PRKN: variants seen among roughly 807,000 people sequenced by gnomAD.
PRKN encodes the protein parkin RBR E3 ubiquitin protein ligase.
PRKN carries 56 observed loss-of-function variants against 59.5 expected under a neutral mutation model. The observed-to-expected ratio is 0.94, with a 90% CI of 0.76 to 1.18. The LOEUF is 1.18. Among genes scored for constraint, PRKN ranks in the 50% most tolerant of loss-of-function variants. The pLI is 0.00. For synonymous variants in PRKN, 250 were observed against 222.1 expected (o/e 1.13, Z -1.12); for missense variants, 657 against 596.4 (o/e 1.10, Z -1.06).
chr6:161,864,934 G>A (rs1245006383), intron 6 of PRKN, among the ~76,000 whole-genome samples: 3 of 152,258 alleles, frequency 2.0e-5, no homozygotes, highest in East Asian at 1.9e-4. Flanking sequence ...GATTACAGGC[G>A]TGAACCATCG....
At chr6:162,669,655 C>T (rs1057455592) in intron 1 of PRKN, among the ~76,000 whole-genome samples, 3 of 152,072 alleles carry the variant, frequency 2.0e-5, no homozygotes, top group African/African-American at 7.2e-5. Context: ...GAACATGAAT[C>T]ATCCTAGACT....
chr6:162,376,777 GA>G (rs1786116580), intron 2 of PRKN, among the ~76,000 whole-genome samples: 1 of 97,786 alleles, frequency 1.0e-5, no homozygotes, highest in Non-Finnish European at 2.1e-5. Context: ...AAGGGAGGGG[GA>G]GGGGGAGGGG....
intron 5 of PRKN, among the ~76,000 whole-genome samples, chr6:162,030,908 TC>T (rs1783611403): frequency 6.6e-6 from 1 of 152,132 alleles, no homozygotes. Flanking sequence ...TCTCCTCAGC[TC>T]ACTCCAGCCC....
chr6:161,973,232 G>A (rs1023253858), intron 6 of PRKN, 70 bp downstream of exon 6: 13 of 955,068 alleles, frequency 1.4e-5, no homozygotes, highest in African/African-American at 1.6e-5. Flanking sequence ...TAAGGAGGGG[G>A]GAGTGATGCT....
intron 6 of PRKN, among the ~76,000 whole-genome samples, chr6:161,967,349 T>C (rs974777196): frequency 6.6e-6 from 1 of 152,318 alleles, no homozygotes; most frequent in African/African-American, 2.4e-5. Context: ...ACAAGTATTT[T>C]TGCAACTGTC....
chr6:161,698,909 G>A (rs764296594), intron 7 of PRKN, among the ~76,000 whole-genome samples: 19 of 152,092 alleles, frequency 1.2e-4, no homozygotes, highest in Admixed American at 3.9e-4. Flanking sequence ...CTTCATCAAA[G>A]TGAAAAGATC....
intron 4 of PRKN, among the ~76,000 whole-genome samples, chr6:162,127,159 G>A (rs1308076399): frequency 6.6e-6 from 1 of 152,230 alleles, no homozygotes; most frequent in Non-Finnish European, 1.5e-5. Flanking sequence ...TAATCTTGGT[G>A]AACTTTGTAA....
intron 1 of PRKN, among the ~76,000 whole-genome samples, chr6:162,580,930 G>A (rs951039815): frequency 6.6e-6 from 1 of 152,180 alleles, no homozygotes; most frequent in African/African-American, 2.4e-5. Flanking sequence ...TCAGTGGCAT[G>A]TACTAAAAAT....
At chr6:162,499,979 C>A (rs1312972505) in intron 1 of PRKN, among the ~76,000 whole-genome samples, 1 of 152,004 alleles carries the variant, frequency 6.6e-6, no homozygotes, top group Non-Finnish European at 1.5e-5. Flanking sequence ...CATTTATTTT[C>A]TTTTCTAGTT....
intron 9 of PRKN, among the ~76,000 whole-genome samples, chr6:161,431,583 T>TTTTC (rs1046495310): frequency 1.3e-4 from 20 of 151,986 alleles, no homozygotes; most frequent in African/African-American, 4.6e-4. Flanking sequence ...GAATATTTTC[T>TTTTC]TTTCTTTCTT....
At chr6:162,012,270 C>T (rs1438860004) in intron 5 of PRKN, among the ~76,000 whole-genome samples, 2 of 152,024 alleles carry the variant, frequency 1.3e-5, no homozygotes, top group East Asian at 1.9e-4. Flanking sequence ...CTTCATCCAG[C>T]CTCCTCAAAT....
rs968495164 is a variant in PRKN, at chr6:162,632,031, C to T, written c.7+95631G>A. Among the ~76,000 whole-genome samples the T allele has an allele frequency of 6.7e-5, 10 of 148,454 alleles. No individual in the cohort carries two copies. In the South Asian group the frequency reaches 1.1e-3, roughly 16 times the overall value. On this transcript the variant is annotated intron_variant, in intron 1 of 11. Transcript: ENST00000366898. ...TGGCAAGGCTGCAAACAAAAGGAAA[C>T]GCTTATACACTTACACACTGTTGGT...
intron 6 of PRKN, among the ~76,000 whole-genome samples, chr6:161,906,345 T>G (rs553097755): frequency 6.6e-6 from 1 of 152,324 alleles, no homozygotes; most frequent in Non-Finnish European, 1.5e-5. Flanking sequence ...GGAATCCATG[T>G]TGAAAGAAAC....
In PRKN at chr6:161,546,718, C is replaced by G. The variant is rs1779807913; in HGVS notation, c.1083+2136G>C. Among the ~76,000 whole-genome samples, 1 of 151,992 alleles carries G rather than the reference C, an allele frequency of 6.6e-6. No individual in the cohort carries two copies. Among genetic ancestry groups the G allele is most frequent in the Non-Finnish European group, 1.5e-5 (1 of 68,020 alleles). On this transcript the variant is annotated intron_variant, in intron 9 of 11. Transcript: ENST00000366898. The surrounding 1 kb of genome is among the most constrained non-coding windows in gnomAD (Gnocchi z 4.4). ...TGAGAGTGAGCTGGATCTAGTATCT[C>G]ACTTCTAATGAATAAAGTGAGAGTG...
At position 161,554,076 on chromosome 6, in the gene PRKN, A is replaced by G. The variant is rs1206057262; in HGVS notation, c.934-5073T>C. ...TCAGTTCTCACTTTGAAGGACAGGTATCTCAGAACTACAAGGTTTTTACTT... is the reference window on the plus strand; with the variant it reads ...TCAGTTCTCACTTTGAAGGACAGGTGTCTCAGAACTACAAGGTTTTTACTT... On this transcript the variant is annotated intron_variant, in intron 8 of 11. Coordinates refer to ENST00000366898, the MANE Select transcript of PRKN (RefSeq NM_004562.3). This position sits in a 1 kb window ranked among gnomAD's most constrained non-coding sequence, Gnocchi z 4.5. Among the ~76,000 whole-genome samples the G allele has an allele frequency of 1.3e-5, 2 of 152,168 alleles. No individual in the cohort carries two copies. The highest frequency in any genetic ancestry group is 1.9e-4 in the East Asian group (1 of 5,196).
intron 9 of PRKN, among the ~76,000 whole-genome samples, chr6:161,507,821 G>T (rs1034942357): frequency 6.6e-6 from 1 of 152,026 alleles, no homozygotes; most frequent in African/African-American, 2.4e-5. Context: ...GGGTTTTCAC[G>T]TCCAGCCTGA....
intron 1 of PRKN, among the ~76,000 whole-genome samples, chr6:162,697,826 G>T (rs558365138): frequency 6.6e-6 from 1 of 152,092 alleles, no homozygotes; most frequent in South Asian, 2.1e-4. Flanking sequence ...ATATACCTAG[G>T]TCTACTTCAT....
chr6:161,827,912 T>C (rs1792317159), intron 6 of PRKN, among the ~76,000 whole-genome samples: 1 of 152,238 alleles, frequency 6.6e-6, no homozygotes, highest in Non-Finnish European at 1.5e-5. Flanking sequence ...AGTTACCAGC[T>C]TTACTGATCA....
chr6:162,164,511 C>T (rs1782896897), intron 4 of PRKN, among the ~76,000 whole-genome samples: 1 of 149,054 alleles, frequency 6.7e-6, no homozygotes, highest in Admixed American at 6.7e-5. Context: ...CATGCCTGGC[C>T]TAATCTGTGG....
Sources: allele counts gnomAD v4.1 joint callset (sites outside exome capture counted in the v4.1 genomes callset), GRCh38; gene constraint gnomAD v4.1.1; non-coding constraint Gnocchi (gnomAD v3.1); transcripts MANE v1.5; gene names NCBI Gene and HGNC (gene_info 2026-07-23, HGNC 2026-07-21).